The following HACD4 variants were observed in gnomAD, a reference collection of about 807,000 sequenced individuals.
HACD4 encodes 3-hydroxyacyl-CoA dehydratase 4.
HACD4 carries 35 observed loss-of-function variants against 33.3 expected under a neutral mutation model. That is an observed-to-expected ratio of 1.05 (90% CI 0.80 to 1.39). HACD4 has a LOEUF of 1.39. Ranked by LOEUF, HACD4 falls within the 40% of genes most tolerant of loss-of-function variation. The probability of loss-of-function intolerance (pLI) is 0.00; values close to 1 mark genes in which losing one functional copy is unlikely to be tolerated. For synonymous variants in HACD4, 118 were observed against 98.0 expected, an observed-to-expected ratio of 1.20 and a Z score of -1.21; for missense variants, 323 against 276.5, an observed-to-expected ratio of 1.17 and a Z score of -1.19.
intron 4 of HACD4, 109 bp from the exon 5 acceptor site, chr9:21,011,804 T>A: frequency 1.6e-6 from 1 of 611,134 alleles, no homozygotes; most frequent in South Asian, 2.2e-5. Context: ...GTGTACAAAT[T>A]GTATATTTTA....
At chr9:21,024,942 A>G (rs1539748) in intron 3 of HACD4, among the ~76,000 whole-genome samples, 140,396 of 152,284 alleles carry the variant, frequency 0.92, 65,170 homozygotes, top group East Asian at 1. Flanking sequence ...TCCAACATTA[A>G]CATTATGGGA....
intron 3 of HACD4, among the ~76,000 whole-genome samples, chr9:21,023,687 G>C (rs1020958226): frequency 6.7e-6 from 1 of 149,844 alleles, no homozygotes; most frequent in Non-Finnish European, 1.5e-5. Context: ...TGATTCTCCT[G>C]CCTCAGCCTC....
In HACD4 at chr9:21,031,606, G is replaced by C. The variant is rs1007795091; in HGVS notation, c.-16C>G. On this transcript the variant is annotated 5_prime_UTR_variant, in exon 1 of 7. Transcript: ENST00000495827. ...AGGGCCCCATGGGCCGCCGCCGCCA[G>C]GGCTTCCAGCGCGGTCCAGGAAGGA... is the stretch of plus-strand genomic sequence containing the variant. 4 of 1,421,234 alleles carry C rather than the reference G, an allele frequency of 2.8e-6. No homozygotes were observed. The South Asian group carries it at 4.4e-5, about 15-fold the overall frequency. The allele number at this position is 1,421,234 out of a possible 1,614,324, so 88.0% of individuals were successfully genotyped here.
intron 2 of HACD4, among the ~76,000 whole-genome samples, chr9:21,027,705 T>C (rs915078492): frequency 1.3e-5 from 2 of 152,222 alleles, no homozygotes; most frequent in African/African-American, 4.8e-5. Flanking sequence ...TTGAGCTACT[T>C]ACATAATTTA....
At position 21,003,234 on chromosome 9, in the gene HACD4, T is replaced by C; in HGVS notation, c.*3803A>G. On this transcript the variant is annotated 3_prime_UTR_variant, in exon 7 of 7. Transcript: ENST00000495827. ...TTGGTTTTCAATTTTAAGAAGTTTT[T>C]AAGTTAATCTGGTTTTAAAAAATTA... is the stretch of plus-strand genomic sequence containing the variant. 6.6e-6 allele frequency: 1 copy of C among 152,290 alleles called. No homozygotes were observed. The highest frequency in any genetic ancestry group is 1.5e-5 in the Non-Finnish European group (1 of 67,998). 9.4% of individuals were successfully genotyped at this position (152,290 alleles called of 1,614,324 possible). A position where few individuals can be genotyped will look rare whatever the true frequency, so the allele number is the denominator to read the frequency against.
At chr9:21,007,567 A>G (rs940857743) in intron 6 of HACD4, among the ~76,000 whole-genome samples, 1 of 152,196 alleles carries the variant, frequency 6.6e-6, no homozygotes, top group East Asian at 1.9e-4. Context: ...TTCAAGGGTA[A>G]GTTTTTGTTC....
At chr9:21,018,436 A>G (rs938288015) in intron 3 of HACD4, among the ~76,000 whole-genome samples, 2 of 152,216 alleles carry the variant, frequency 1.3e-5, no homozygotes, top group African/African-American at 2.4e-5. Flanking sequence ...GAGTTACTCC[A>G]TCACCTAGTA....
At chr9:21,019,336 A>C (rs1281539419) in intron 3 of HACD4, among the ~76,000 whole-genome samples, 1 of 152,160 alleles carries the variant, frequency 6.6e-6, no homozygotes, top group Non-Finnish European at 1.5e-5. Context: ...GTGACCTTGC[A>C]TAATTTACTT....
chr9:21,016,764 C>T (rs1438712629), intron 3 of HACD4, among the ~76,000 whole-genome samples: 1 of 147,372 alleles, frequency 6.8e-6, no homozygotes, highest in Non-Finnish European at 1.5e-5. Context: ...CAGTTCCATC[C>T]AATAGAGAAA....
Position 21,006,894 on chromosome 9 carries a change from G to A in HACD4, c.*143C>T. The A allele has an allele frequency of 1.5e-6, 1 of 676,032 alleles. No individual in the cohort carries two copies. The allele number at this position is 676,032 out of a possible 1,614,324, so 41.9% of individuals were successfully genotyped here. A position where few individuals can be genotyped will look rare whatever the true frequency, so the allele number is the denominator to read the frequency against. On this transcript the variant is annotated 3_prime_UTR_variant, in exon 7 of 7. Coordinates refer to ENST00000495827, the MANE Select transcript of HACD4 (RefSeq NM_001010915.5). This position sits in a 1 kb window ranked among gnomAD's most constrained non-coding sequence, Gnocchi z 4.6. ...AAAAACATAGCCTGTTATGTCTAGAGTTTTGGGGGTATGTGCAGTTATTTC... is the reference window on the plus strand; with the variant it reads ...AAAAACATAGCCTGTTATGTCTAGAATTTTGGGGGTATGTGCAGTTATTTC...
intron 3 of HACD4, 103 bp from the exon 4 acceptor site, chr9:21,016,113 C>A: frequency 1.4e-6 from 1 of 713,506 alleles, no homozygotes. Flanking sequence ...TATACTTTAG[C>A]TGGAAATATG....
rs569437823 is a variant in HACD4, at chr9:21,027,687, G to C, written c.143-964C>G. Among the ~76,000 whole-genome samples, 14 of 152,290 alleles carry C rather than the reference G, an allele frequency of 9.2e-5. No homozygotes were observed. In the South Asian group the frequency reaches 2.1e-3, roughly 23 times the overall value. On this transcript the variant is annotated intron_variant, in intron 2 of 6. Transcript: ENST00000495827. ...CAGGTATAACACGTTCAGGGTTTCA[G>C]GTTTCTGTTGAGCTACTTACATAAT... is the stretch of plus-strand genomic sequence containing the variant.
At chr9:21,018,496 C>T (rs1817819355) in intron 3 of HACD4, among the ~76,000 whole-genome samples, 1 of 152,134 alleles carries the variant, frequency 6.6e-6, no homozygotes, top group African/African-American at 2.4e-5. Context: ...AAAATTAAGC[C>T]TTAAAACAAG....
Position 21,008,036 on chromosome 9 carries a change from T to C in HACD4, c.601A>G (p.Met201Val), listed in dbSNP as rs757589455. The C allele has an allele frequency of 3.1e-6, 5 of 1,601,864 alleles. No individual in the cohort carries two copies. Among genetic ancestry groups the C allele is most frequent in the Non-Finnish European group, 4.3e-6 (5 of 1,174,914 alleles). ...AGCCACTTACCTATAAAGAGCATCA[T>C]GAGATATATTTTCAGCACATATGGG... ...YFPYVLKIYL[M>V]MLFIGMYFTY... is the part of the protein sequence containing the mutation. The change falls in exon 6 of 7, where the codon ATG (methionine) becomes GTG (valine). Residue 201 changes from methionine (M) to valine (V), a missense_variant. Met to Val is a conservative substitution (Grantham distance 21). Coordinates refer to ENST00000495827, the MANE Select transcript of HACD4 (RefSeq NM_001010915.5).
intron 3 of HACD4, among the ~76,000 whole-genome samples, chr9:21,025,718 C>T (rs1399892837): frequency 1.3e-5 from 2 of 152,068 alleles, no homozygotes; most frequent in Non-Finnish European, 1.5e-5. Flanking sequence ...AGTAAATTTC[C>T]CATCTTCCTT....
intron 2 of HACD4, among the ~76,000 whole-genome samples, chr9:21,027,608 A>G (rs1435505516): frequency 6.6e-6 from 1 of 152,196 alleles, no homozygotes; most frequent in Non-Finnish European, 1.5e-5. Flanking sequence ...ACTGCCCTGC[A>G]CTTGCTGTAC....
rs1260862109 is a variant in HACD4, at chr9:21,000,050, A to G, written c.*6987T>C. 1 of 152,182 alleles carries G rather than the reference A, an allele frequency of 6.6e-6. No individual in the cohort carries two copies. The highest frequency in any genetic ancestry group is 1.5e-5 in the Non-Finnish European group (1 of 68,006). The allele number at this position is 152,182 out of a possible 1,614,324, so 9.4% of individuals were successfully genotyped here. On this transcript the variant is annotated 3_prime_UTR_variant, in exon 7 of 7. Coordinates refer to ENST00000495827, the MANE Select transcript of HACD4 (RefSeq NM_001010915.5). ...TGGAGCTTGATCTCAAATCAAACCT[A>G]GTGCTCTTAATTCCAGACCACATTA...
chr9:21,029,963 T>C (rs191644655), intron 1 of HACD4, among the ~76,000 whole-genome samples: 1 of 152,110 alleles, frequency 6.6e-6, no homozygotes, highest in East Asian at 1.9e-4. Flanking sequence ...TGAATACATA[T>C]CATTTTCACA....
chr9:21,031,537 C>T lies in HACD4; in HGVS notation c.38+16G>A. Reference sequence around the variant, plus strand: ...ACCCGCGCCCCCTCCCCTCGGGATTCGGCCGAGCGCCCTACCTGGGCTGCA... The same window carrying T: ...ACCCGCGCCCCCTCCCCTCGGGATTTGGCCGAGCGCCCTACCTGGGCTGCA... On this transcript the variant is annotated intron_variant, in intron 1 of 6. Coordinates refer to ENST00000495827, the MANE Select transcript of HACD4 (RefSeq NM_001010915.5). The T allele has an allele frequency of 1.4e-6, 2 of 1,463,400 alleles. No individual in the cohort carries two copies. Among genetic ancestry groups the T allele is most frequent in the South Asian group, 1.3e-5 (1 of 76,380 alleles). 90.7% of individuals were successfully genotyped at this position (1,463,400 alleles called of 1,614,324 possible). A position where few individuals can be genotyped will look rare whatever the true frequency, so the allele number is the denominator to read the frequency against.
Sources: gnomAD v4.1 joint callset for allele counts (sites outside exome capture counted in the v4.1 genomes callset) on GRCh38, gnomAD v4.1.1 for gene constraint, Gnocchi (gnomAD v3.1) non-coding constraint, MANE v1.5 for transcripts, NCBI Gene and HGNC (gene_info 2026-07-23, HGNC 2026-07-21) for gene names.